SDAD1: variants seen among roughly 807,000 people sequenced by gnomAD.
The protein encoded by SDAD1 is SDA1 domain containing 1.
In SDAD1, 79 loss-of-function variants were observed where a neutral mutation model predicts 100.3. The observed-to-expected ratio is 0.79, with a 90% CI of 0.66 to 0.95. The LOEUF is 0.95. Among genes scored for constraint, SDAD1 ranks in the 40% least tolerant of loss-of-function variants. The pLI is 0.00. For synonymous variants in SDAD1, 267 were observed against 271.4 expected, an observed-to-expected ratio of 0.98 and a Z score of 0.16; for missense variants, 790 against 810.9, an observed-to-expected ratio of 0.97 and a Z score of 0.31.
In SDAD1 at chr4:75,975,927, A is replaced by G. The variant is rs34967043; in HGVS notation, c.474T>C (p.Asn158=). 1.1e-5 allele frequency: 18 copies of G among 1,599,272 alleles called. No individual in the cohort carries two copies. Among genetic ancestry groups the G allele is most frequent in the Non-Finnish European group, 1.5e-5 (18 of 1,166,676 alleles). The part of the protein sequence containing the change: ...INAKHKNNKV[N]VVLQNFMYTM... ...TGGAAGACAGAAGAGTACTTACTAC[A>G]TTCACTTTATTGTTCTTGTGTTTTG... Residue 158 remains asparagine (N), a synonymous_variant, in exon 5 of 22, where the codon AAT becomes AAC. Transcript: ENST00000356260.
chr4:75,969,622 T>C (rs896128748), intron 10 of SDAD1, among the ~76,000 whole-genome samples: 6 of 152,206 alleles, frequency 3.9e-5, no homozygotes, highest in African/African-American at 1.4e-4. Flanking sequence ...CTTCACTTAA[T>C]AGCTCTCTAG....
chr4:75,961,037 C>A lies in SDAD1; in HGVS notation c.1347G>T (p.Lys449Asn), dbSNP rs1729200532. The A allele has an allele frequency of 6.2e-7, 1 of 1,613,680 alleles. No individual in the cohort carries two copies. The highest frequency in any genetic ancestry group is 8.5e-7 in the Non-Finnish European group (1 of 1,179,956). Residue 449 changes from lysine (K) to asparagine (N), a missense_variant, in exon 16 of 22, where the codon AAG becomes AAT. Transcript: ENST00000356260. ...FRTLNPQMLQ[K>N]KFRGKPTEAS... is the part of the protein sequence containing the mutation. ...AGTGTGCTTTACCTACCCGGAATTT[C>A]TTCTGCAGCATCTGAGGATTCAGTG...
intron 3 of SDAD1, among the ~76,000 whole-genome samples, chr4:75,979,571 T>A (rs183222066): frequency 3.3e-4 from 50 of 152,086 alleles, no homozygotes; most frequent in South Asian, 2.3e-3. Context: ...TTCTCCTGAC[T>A]GAGCCTCCCA....
chr4:75,977,662 T>C lies in SDAD1; in HGVS notation c.389A>G (p.Asp130Gly). Reference protein sequence around the residue: ...ELFFELFRCHDKLLRKTLYTH... With the variant: ...ELFFELFRCHGKLLRKTLYTH... ...GCCCTTTACCTTTCGCAGAAGTTTA[T>C]CATGGCAACGAAAAAGTTCAAAGAA... The change falls in exon 4 of 22, where the codon GAT becomes GGT. Residue 130 changes from aspartate to glycine, a missense_variant. By Grantham distance (94) the Asp-to-Gly change is moderately conservative. Transcript: ENST00000356260. 6.2e-7 allele frequency: 1 copy of C among 1,608,420 alleles called. No homozygotes were observed. Among genetic ancestry groups the C allele is most frequent in the Non-Finnish European group, 8.5e-7 (1 of 1,175,642 alleles).
intron 12 of SDAD1, 122 bp from the exon 13 acceptor site, chr4:75,965,944 C>T: frequency 1.4e-6 from 1 of 736,408 alleles, no homozygotes; most frequent in South Asian, 1.7e-5. Flanking sequence ...ACCTGGAACA[C>T]TCAATCCCCA....
chr4:75,957,563 G>C lies in SDAD1; in HGVS notation c.1724C>G (p.Ser575Cys), dbSNP rs2242471. ...TATTTCAATGTATTTCCTCTTCTGGGATTTCCCGGGGGCAGCATCAAGTTC... is the reference window on the plus strand; with the variant it reads ...TATTTCAATGTATTTCCTCTTCTGGCATTTCCCGGGGGCAGCATCAAGTTC... ...RKELDAAPGK[S>C]QKRKYIEIDS... Residue 575 changes from serine to cysteine, a missense_variant, in exon 19 of 22, where the codon TCC becomes TGC. Ser to Cys is a moderately radical substitution (Grantham distance 112). Coordinates refer to ENST00000356260, the MANE Select transcript of SDAD1 (RefSeq NM_018115.4). 0.38 allele frequency: 608,194 copies of C among 1,613,754 alleles called. 120,091 individuals are homozygous for C. Among genetic ancestry groups the C allele is most frequent in the South Asian group, 0.44 (40,250 of 91,062 alleles).
intron 1 of SDAD1, among the ~76,000 whole-genome samples, chr4:75,984,937 T>C (rs1048070392): frequency 4.6e-5 from 7 of 152,066 alleles, no homozygotes; most frequent in African/African-American, 1.7e-4. Flanking sequence ...AAACACAACT[T>C]GATTTCCTCA....
At chr4:75,983,225 C>T (rs1258177630) in intron 1 of SDAD1, among the ~76,000 whole-genome samples, 2 of 152,176 alleles carry the variant, frequency 1.3e-5, no homozygotes, top group South Asian at 4.1e-4. Flanking sequence ...AAAGTCTTTG[C>T]TATTGTGAAT....
At chr4:75,974,194 G>T in intron 6 of SDAD1, 61 bp from the exon 7 acceptor site, 1 of 1,285,104 alleles carries the variant, frequency 7.8e-7, no homozygotes, top group South Asian at 1.2e-5. Flanking sequence ...TCATAGCACA[G>T]ACAATGGCAC....
chr4:75,982,832 C>T (rs185395680), intron 1 of SDAD1, among the ~76,000 whole-genome samples: 3 of 149,364 alleles, frequency 2.0e-5, no homozygotes, highest in African/African-American at 7.4e-5. Flanking sequence ...TTCTGGTATA[C>T]ATGTGCAGAA....
At chr4:75,962,491 T>C (rs985917988) in intron 14 of SDAD1, among the ~76,000 whole-genome samples, 5 of 152,236 alleles carry the variant, frequency 3.3e-5, no homozygotes, top group African/African-American at 1.2e-4. Flanking sequence ...TCCACAATGG[T>C]TGAACTAGTT....
chr4:75,988,518 C>G (rs1420551405), intron 1 of SDAD1, among the ~76,000 whole-genome samples: 1 of 152,182 alleles, frequency 6.6e-6, no homozygotes, highest in Non-Finnish European at 1.5e-5. Context: ...CCCATCTCAC[C>G]CCCAACATAC....
intron 17 of SDAD1, among the ~76,000 whole-genome samples, chr4:75,959,193 A>G (rs912326498): frequency 1.3e-5 from 2 of 150,850 alleles, no homozygotes; most frequent in African/African-American, 2.4e-5. Flanking sequence ...ACCCACTCCA[A>G]TCATAAATCC....
chr4:75,986,472 T>A (rs1199327497), intron 1 of SDAD1, among the ~76,000 whole-genome samples: 1 of 152,184 alleles, frequency 6.6e-6, no homozygotes, highest in Admixed American at 6.5e-5. Flanking sequence ...CTGAGGATAA[T>A]TTCCATTTAA....
intron 12 of SDAD1, 52 bp from the exon 13 acceptor site, chr4:75,965,874 T>G (rs1218763991): frequency 1.4e-6 from 2 of 1,465,506 alleles, no homozygotes; most frequent in South Asian, 2.3e-5. Context: ...ACCCTGCCTC[T>G]GAGGACCACA....
intron 1 of SDAD1, among the ~76,000 whole-genome samples, chr4:75,986,760 C>A (rs1389301388): frequency 2.6e-5 from 4 of 152,210 alleles, no homozygotes; most frequent in Non-Finnish European, 5.9e-5. Context: ...GGCATGGTGG[C>A]TCATGCCTGT....
intron 2 of SDAD1, 142 bp downstream of exon 2, chr4:75,981,791 T>A: frequency 1.3e-6 from 1 of 744,582 alleles, no homozygotes; most frequent in Non-Finnish European, 2.1e-6. Flanking sequence ...AGGGAGAAAA[T>A]AAAATTTGCA....
chr4:75,982,787 C>A (rs964545138), intron 1 of SDAD1, among the ~76,000 whole-genome samples: 4 of 151,872 alleles, frequency 2.6e-5, no homozygotes, highest in African/African-American at 9.7e-5. Flanking sequence ...CCCACCCCCC[C>A]ACTGCCACCC....
At position 75,984,778 on chromosome 4, in the gene SDAD1, AACACACACACAC is replaced by A. The variant is rs35320227; in HGVS notation, c.91-2753_91-2742del. 4.4e-3 allele frequency among the ~76,000 whole-genome samples: 607 copies of A among 137,024 alleles called. 6 individuals carry two copies. The highest frequency in any genetic ancestry group is 6.5e-3 in the Non-Finnish European group (408 of 62,994). 89.9% of individuals were successfully genotyped at this position (137,024 alleles called of 152,430 possible). A position where few individuals can be genotyped will look rare whatever the true frequency, so the allele number is the denominator to read the frequency against. On this transcript the variant is annotated intron_variant, in intron 1 of 21. Coordinates refer to ENST00000356260, the MANE Select transcript of SDAD1 (RefSeq NM_018115.4). The stretch of plus-strand genomic sequence containing the variant: ...TATGTGACATACACACACACACACA[AACACACACACAC>A]ACACACACACACACACACACACTCT...
Sources: gnomAD v4.1 joint callset for allele counts (sites outside exome capture counted in the v4.1 genomes callset) on GRCh38, gnomAD v4.1.1 for gene constraint, MANE v1.5 for transcripts, NCBI Gene and HGNC (gene_info 2026-07-23, HGNC 2026-07-21) for gene names.